The following ZNG1B variants were observed in gnomAD, a reference collection of about 807,000 sequenced individuals.
ZNG1B encodes the protein Zn regulated GTPase metalloprotein activator 1B, also known as zinc-regulated GTPase metalloprotein activator 1B.
chr2:113,453,408 G>A, the ZNG1B span, among the ~76,000 whole-genome samples: 3 of 151,042 alleles, frequency 2.0e-5, no homozygotes, highest in Admixed American at 6.6e-5. Context: ...GTGCACCATC[G>A]TACCTGGCTA....
chr2:113,486,557 C>A, the ZNG1B span, among the ~76,000 whole-genome samples: 4 of 151,624 alleles, frequency 2.6e-5, no homozygotes, highest in Non-Finnish European at 5.9e-5. Context: ...GAGTTGTAGA[C>A]CAGCCTGGGC....
At chr2:113,490,154 A>G in the ZNG1B span, among the ~76,000 whole-genome samples, 1 of 152,114 alleles carries the variant, frequency 6.6e-6, no homozygotes, top group Admixed American at 6.6e-5. Flanking sequence ...TTAAAATTAT[A>G]TCAAGCACTC....
the ZNG1B span, among the ~76,000 whole-genome samples, chr2:113,439,719 C>G: frequency 1.3e-5 from 2 of 151,946 alleles, no homozygotes; most frequent in Admixed American, 1.3e-4. Context: ...GTGTTTTAGC[C>G]CCTTGGAATA....
the ZNG1B span, chr2:113,447,667 A>G: frequency 4.9e-6 from 2 of 409,974 alleles, no homozygotes; most frequent in South Asian, 1.8e-5. Flanking sequence ...ACCCTGCTTT[A>G]TCAATTAAGC....
the ZNG1B span, among the ~76,000 whole-genome samples, chr2:113,440,663 C>T: frequency 6.7e-6 from 1 of 150,372 alleles, no homozygotes; most frequent in Non-Finnish European, 1.5e-5. Context: ...GTATAGCCTA[C>T]ATGTAAAAGT....
At chr2:113,448,490 G>A in the ZNG1B span, among the ~76,000 whole-genome samples, 10 of 150,004 alleles carry the variant, frequency 6.7e-5, no homozygotes, top group African/African-American at 2.5e-4. Context: ...AGCTGCTTTA[G>A]CCTCTAACAA....
the ZNG1B span, among the ~76,000 whole-genome samples, chr2:113,475,523 C>A: frequency 1.3e-5 from 2 of 150,708 alleles, no homozygotes; most frequent in African/African-American, 4.9e-5. Flanking sequence ...TGAATTTGAT[C>A]CTGTCATTAT....
At chr2:113,460,876 A>G in the ZNG1B span, among the ~76,000 whole-genome samples, 1 of 151,422 alleles carries the variant, frequency 6.6e-6, no homozygotes, top group Non-Finnish European at 1.5e-5. Context: ...TCTATTTATA[A>G]TGATCTGATA....
At chr2:113,462,229 G>C in the ZNG1B span, among the ~76,000 whole-genome samples, 1 of 152,144 alleles carries the variant, frequency 6.6e-6, no homozygotes, top group Non-Finnish European at 1.5e-5. Flanking sequence ...AACAATTAGC[G>C]GATTAGGAGT....
At chr2:113,437,915 A>C in the ZNG1B span, 3 of 1,611,974 alleles carry the variant, frequency 1.9e-6, no homozygotes, top group Non-Finnish European at 8.5e-7. Context: ...GATCCTGCGG[A>C]GGAGGATTGT....
At chr2:113,473,835 G>A in the ZNG1B span, among the ~76,000 whole-genome samples, 14 of 144,170 alleles carry the variant, frequency 9.7e-5, 1 homozygote, top group South Asian at 2.9e-3. Flanking sequence ...CAGGGATGAA[G>A]CCCACTTGAT....
At chr2:113,455,684 T>C in the ZNG1B span, 5 of 1,229,246 alleles carry the variant, frequency 4.1e-6, no homozygotes, top group Non-Finnish European at 5.3e-6. Context: ...TAAAAATTAG[T>C]GTCTGTTTTG....
the ZNG1B span, chr2:113,470,941 A>G: frequency 1.3e-6 from 2 of 1,503,210 alleles, no homozygotes; most frequent in Admixed American, 1.8e-5. Flanking sequence ...TTTTATGTAT[A>G]AAATTTTTTA....
the ZNG1B span, among the ~76,000 whole-genome samples, chr2:113,461,317 G>A: frequency 6.6e-6 from 1 of 151,682 alleles, no homozygotes; most frequent in Non-Finnish European, 1.5e-5. Flanking sequence ...CCTGACCTCA[G>A]GTGATCCACC....
the ZNG1B span, among the ~76,000 whole-genome samples, chr2:113,473,383 T>A: frequency 6.8e-6 from 1 of 147,718 alleles, no homozygotes; most frequent in Non-Finnish European, 1.5e-5. Flanking sequence ...AAGGAGATTT[T>A]GGGCTGAGAT....
the ZNG1B span, chr2:113,462,525 C>T: frequency 2.0e-5 from 32 of 1,580,574 alleles, no homozygotes; most frequent in Non-Finnish European, 2.8e-5. Flanking sequence ...TAAGTGCCTA[C>T]AGATCCATGT....
chr2:113,486,698 G>A, the ZNG1B span, among the ~76,000 whole-genome samples: 1 of 152,258 alleles, frequency 6.6e-6, no homozygotes, highest in African/African-American at 2.4e-5. Context: ...CAAAGCTGCA[G>A]TAAGCCATGA....
the ZNG1B span, among the ~76,000 whole-genome samples, chr2:113,493,285 AT>A: frequency 1.5e-5 from 2 of 133,654 alleles, no homozygotes; most frequent in Non-Finnish European, 3.2e-5. Context: ...TGGGTAGCTT[AT>A]TTTTTTGACC....
At chr2:113,447,379 T>C in the ZNG1B span, 4 of 446,016 alleles carry the variant, frequency 9.0e-6, no homozygotes, top group African/African-American at 8.3e-5. Flanking sequence ...ATTAAAAATA[T>C]TTATTGCTAA....
Sources: allele counts gnomAD v4.1 joint callset (sites outside exome capture counted in the v4.1 genomes callset), GRCh38; gene constraint gnomAD v4.1.1; transcripts MANE v1.5; gene names NCBI Gene and HGNC (gene_info 2026-07-23, HGNC 2026-07-21).